The following ZNF479 variants were observed in gnomAD, a reference collection of about 807,000 sequenced individuals.
The protein encoded by ZNF479 is zinc finger protein 479.
A neutral mutation model predicts 14.7 loss-of-function variants in ZNF479; 15 were observed. The observed-to-expected ratio is 1.02, with a 90% CI of 0.68 to 1.57. The LOEUF is 1.57. ZNF479 is among the 40% of genes most tolerant of loss of function. The pLI, the probability that ZNF479 is intolerant of heterozygous loss-of-function variation, is 0.00. For missense variants in ZNF479, 506 were observed against 615.1 expected (o/e 0.82, Z 1.88); for synonymous variants, 145 against 211.5 (o/e 0.69, Z 2.73).
chr7:57,138,403 G>C (rs975461910), intron 1 of ZNF479, among the ~76,000 whole-genome samples: 3 of 152,204 alleles, frequency 2.0e-5, no homozygotes, highest in Admixed American at 2.0e-4. Context: ...GGCACACTTA[G>C]TTGACAATTA....
rs782729678 is a variant in ZNF479, at chr7:57,120,551, C to T, written c.864G>A (p.Lys288=). 1.2e-6 allele frequency: 2 copies of T among 1,613,540 alleles called. No individual in the cohort carries two copies. The highest frequency in any genetic ancestry group is 1.3e-5 in the African/African-American group (1 of 74,742). Residue 288 remains lysine, a synonymous_variant, in exon 4 of 4, where the codon AAG becomes AAA. Transcript: ENST00000319636. ...FRRSSALTNH[K]RIHTGERPYK... is the part of the protein sequence containing the mutation. Reference sequence around the variant, plus strand: ...AGGGTCTCTCTCCAGTATGAATTCTCTTGTGGTTAGTAAGTGCTGAGGAGC... The same window carrying T: ...AGGGTCTCTCTCCAGTATGAATTCTTTTGTGGTTAGTAAGTGCTGAGGAGC...
chr7:57,120,534 T>C lies in ZNF479; in HGVS notation c.881A>G (p.Glu294Gly), dbSNP rs782409482. The part of the protein sequence containing the change: ...LTNHKRIHTG[E>G]RPYKCEECGK... ...ACATTCTTCACATTTGTAGGGTCTC[T>C]CTCCAGTATGAATTCTCTTGTGGTT... Residue 294 changes from glutamate to glycine, a missense_variant, in exon 4 of 4, where the codon GAG (glutamate) becomes GGG (glycine). Around this residue, in one of 3 missense-constraint regions of ZNF479, gnomAD observed 420 missense variants for 474.2 expected, o/e 0.89. Transcript: ENST00000319636. 24 of 1,613,454 alleles carry C rather than the reference T, an allele frequency of 1.5e-5. No individual in the cohort carries two copies. Among genetic ancestry groups the C allele is most frequent in the Non-Finnish European group, 6.8e-6 (8 of 1,179,906 alleles).
In ZNF479 at chr7:57,117,918, C is replaced by A. The variant is rs1400446961; in HGVS notation, c.*1922G>T. ...ATCTCGAAAAAAACTACTTCTTTAA[C>A]ATGTATATGGTGTTAGCTTTGGATC... On this transcript the variant is annotated 3_prime_UTR_variant, in exon 4 of 4. Coordinates refer to ENST00000319636, the MANE Select transcript of ZNF479 (RefSeq NM_001370129.2). Among the ~76,000 whole-genome samples the A allele has an allele frequency of 3.3e-5, 5 of 152,276 alleles. No individual in the cohort carries two copies. The highest frequency in any genetic ancestry group is 7.3e-5 in the Non-Finnish European group (5 of 68,052).
rs1785767282 is a variant in ZNF479, at chr7:57,118,310, A to T, written c.*1530T>A. ...TCTTTAAGTTTGTATGTTTGTCTTC[A>T]GAATAACTGGTCTTTACTTTAAAGG... On this transcript the variant is annotated 3_prime_UTR_variant, in exon 4 of 4. Transcript: ENST00000319636. 6.6e-6 allele frequency among the ~76,000 whole-genome samples: 1 copy of T among 152,276 alleles called. No individual in the cohort carries two copies. Among genetic ancestry groups the T allele is most frequent in the Admixed American group, 6.5e-5 (1 of 15,278 alleles).
Position 57,120,853 on chromosome 7 carries a change from T to C in ZNF479, c.562A>G (p.Asn188Asp), listed in dbSNP as rs782651966. 1.2e-6 allele frequency: 2 copies of C among 1,613,908 alleles called. No individual in the cohort carries two copies. The highest frequency in any genetic ancestry group is 8.5e-7 in the Non-Finnish European group (1 of 1,179,940). The change falls in exon 4 of 4, where the codon AAC becomes GAC. Residue 188 changes from asparagine to aspartate, a missense_variant. Around this residue, in one of 3 missense-constraint regions of ZNF479, gnomAD observed 420 missense variants for 474.2 expected, o/e 0.89. Coordinates refer to ENST00000319636, the MANE Select transcript of ZNF479 (RefSeq NM_001370129.2). Reference protein sequence around the residue: ...RYTGNKHFKCNKYGKSFCMLS... With the variant: ...RYTGNKHFKCDKYGKSFCMLS... ...ATGCAAAATGATTTGCCATATTTGTTACATTTGAAATGTTTATTTCCAGTA... is the reference window on the plus strand; with the variant it reads ...ATGCAAAATGATTTGCCATATTTGTCACATTTGAAATGTTTATTTCCAGTA...
upstream of ZNF479, among the ~76,000 whole-genome samples, chr7:57,136,552 A>G (rs577623266): frequency 2.6e-5 from 4 of 152,302 alleles, no homozygotes; most frequent in Non-Finnish European, 5.9e-5. Context: ...GCATACATAA[A>G]TTTTGAAATT....
At chr7:57,123,693 C>T (rs1243645634) in intron 3 of ZNF479, among the ~76,000 whole-genome samples, 1 of 152,002 alleles carries the variant, frequency 6.6e-6, no homozygotes. Context: ...ATTAGCTGAG[C>T]ATTGTGGGGT....
intron 1 of ZNF479, among the ~76,000 whole-genome samples, chr7:57,131,597 AC>A (rs1328912539): frequency 1.7e-5 from 2 of 118,126 alleles, no homozygotes; most frequent in African/African-American, 2.7e-5. Flanking sequence ...CAAAAAAAAA[AC>A]ATTTCTTGTA....
At chr7:57,125,055 A>G (rs1786097589) in intron 3 of ZNF479, among the ~76,000 whole-genome samples, 1 of 152,226 alleles carries the variant, frequency 6.6e-6, no homozygotes, top group Non-Finnish European at 1.5e-5. Context: ...CTGGGAAACA[A>G]GAGTGAAACT....
chr7:57,134,950 CAGGCATAAGCCAGGGTTAT>C (rs559114233), upstream of ZNF479, among the ~76,000 whole-genome samples: 209 of 152,276 alleles, frequency 1.4e-3, 1 homozygote, highest in African/African-American at 4.8e-3. Flanking sequence ...GCCGGGGTTA[CAGGCATAAGCCAGGGTTAT>C]AGGCATAAGG....
At chr7:57,136,901 C>T (rs1421321260), upstream of ZNF479, among the ~76,000 whole-genome samples, 3 of 152,074 alleles carry the variant, frequency 2.0e-5, no homozygotes, top group Admixed American at 6.5e-5. Context: ...GTACACTTGT[C>T]GTTACCTTCA....
At position 57,119,654 on chromosome 7, in the gene ZNF479, G is replaced by A. The variant is rs1434633563; in HGVS notation, c.*186C>T. 4 of 619,342 alleles carry A rather than the reference G, an allele frequency of 6.5e-6. No homozygotes were observed. The African/African-American group carries it at 7.4e-5, about 11-fold the overall frequency. 38.4% of individuals were successfully genotyped at this position (619,342 alleles called of 1,614,324 possible). A position where few individuals can be genotyped will look rare whatever the true frequency, so the allele number is the denominator to read the frequency against. ...TTCTCTTAGGTTTATTAAGGTTTGA[G>A]GGTTGGTTAAAGGCTTTGTTACATT... On this transcript the variant is annotated 3_prime_UTR_variant, in exon 4 of 4. Transcript: ENST00000319636.
chr7:57,126,649 G>A lies in ZNF479; in HGVS notation c.109C>T (p.Gln37Ter), dbSNP rs532635215. The A allele has an allele frequency of 2.2e-5, 36 of 1,613,896 alleles. No homozygotes were observed. The East Asian group carries it at 7.1e-4, about 32-fold the overall frequency. The change falls in exon 2 of 4, where the codon CAG becomes TAG. Residue 37 changes from glutamine to a stop codon, truncating the protein, a stop_gained. Coordinates refer to ENST00000319636, the MANE Select transcript of ZNF479 (RefSeq NM_001370129.2). LOFTEE classifies it high-confidence loss of function. ...ATCACATCTCTATATAAATTCCGCT[G>A]AGCACAATCCAGGCATTGCCATTCC... is the stretch of plus-strand genomic sequence containing the variant. ...LEEWQCLDCA[Q>*]RNLYRDVMLE...
rs1554400233 is a variant in ZNF479 at position 57,120,632 on chromosome 7, T to G, written c.783A>C (p.Arg261Ser). The change falls in exon 4 of 4, where the codon AGA becomes AGC. Residue 261 changes from arginine (R) to serine (S), a missense_variant. Physicochemically the swap from Arg to Ser is moderately radical, Grantham distance 110. Around this residue, in one of 3 missense-constraint regions of ZNF479, gnomAD observed 420 missense variants for 474.2 expected, o/e 0.89. Coordinates refer to ENST00000319636, the MANE Select transcript of ZNF479 (RefSeq NM_001370129.2). ...TGTAGGGTTTCTCTCCAGTATGAGT[T>G]CTCTTATGTCTAGTAAGGTTTGCAG... is the stretch of plus-strand genomic sequence containing the variant. ...SWSANLTRHKRTHTGEKPYTC... is the reference protein window; with the variant it reads ...SWSANLTRHKSTHTGEKPYTC... 3 of 1,613,944 alleles carry G rather than the reference T, an allele frequency of 1.9e-6. No homozygotes were observed. The highest frequency in any genetic ancestry group is 2.5e-6 in the Non-Finnish European group (3 of 1,179,888).
intron 3 of ZNF479, among the ~76,000 whole-genome samples, chr7:57,123,738 T>G (rs1331251046): frequency 6.6e-6 from 1 of 151,728 alleles, no homozygotes; most frequent in Middle Eastern, 3.4e-3. Context: ...TAGGCCAAGG[T>G]GAAAGGATTA....
intron 1 of ZNF479, among the ~76,000 whole-genome samples, chr7:57,138,104 C>A (rs1786727139): frequency 6.6e-6 from 1 of 152,174 alleles, no homozygotes; most frequent in Non-Finnish European, 1.5e-5. Flanking sequence ...ATTGCTGGCC[C>A]AGCACCTAGT....
chr7:57,132,158 G>T, intron 1 of ZNF479, 128 bp downstream of exon 1: 2 of 1,549,632 alleles, frequency 1.3e-6, no homozygotes, highest in Non-Finnish European at 1.8e-6. Flanking sequence ...GCCGAGCTGG[G>T]CCAAAGAGGA....
At chr7:57,127,942 T>G (rs867209606) in intron 1 of ZNF479, among the ~76,000 whole-genome samples, 25 of 139,100 alleles carry the variant, frequency 1.8e-4, no homozygotes, top group African/African-American at 6.3e-4. Context: ...TATATATTTT[T>G]TTTTTTTTTT....
upstream of ZNF479, among the ~76,000 whole-genome samples, chr7:57,134,156 G>C (rs1429075993): frequency 6.6e-6 from 1 of 152,092 alleles, no homozygotes; most frequent in Non-Finnish European, 1.5e-5. Context: ...GAAACCTACA[G>C]GACTGCATTT....
Sources: gnomAD v4.1 joint callset for allele counts (sites outside exome capture counted in the v4.1 genomes callset) on GRCh38, gnomAD v4.1.1 for gene constraint, gnomAD v4.1.1 regional missense constraint, MANE v1.5 for transcripts, NCBI Gene and HGNC (gene_info 2026-07-23, HGNC 2026-07-21) for gene names.